Variants in NRXN3 observed in about 807,000 individuals in gnomAD.
NRXN3 encodes neurexin III.
In NRXN3, 32 loss-of-function variants were observed where a neutral mutation model predicts 137.6. That is an observed-to-expected ratio of 0.23 (90% CI 0.18 to 0.31). NRXN3 has a LOEUF of 0.31. Ranked by LOEUF, NRXN3 falls within the 10% of genes least tolerant of loss-of-function variation. The pLI is 1.00. For missense variants in NRXN3, 1,574 were observed against 2,062.5 expected, an observed-to-expected ratio of 0.76 and a Z score of 4.59; for synonymous variants, 798 against 784.5, an observed-to-expected ratio of 1.02 and a Z score of -0.29.
intron 15 of NRXN3, among the ~76,000 whole-genome samples, chr14:79,334,512 G>T (rs1477163899): frequency 6.6e-6 from 1 of 152,206 alleles, no homozygotes; most frequent in Non-Finnish European, 1.5e-5. Context: ...GAGCCCGCAG[G>T]GCAGGACAGG....
intron 4 of NRXN3, among the ~76,000 whole-genome samples, chr14:78,560,307 A>T (rs1226060487): frequency 6.6e-6 from 1 of 152,178 alleles, no homozygotes; most frequent in African/African-American, 2.4e-5. Context: ...AAATCATGCC[A>T]TGCTATTGAC....
At chr14:79,178,118 C>T (rs953964302) in intron 15 of NRXN3, among the ~76,000 whole-genome samples, 15 of 152,184 alleles carry the variant, frequency 9.9e-5, no homozygotes, top group African/African-American at 3.4e-4. Context: ...GGAGCTAGCC[C>T]AGATGGCTGG....
chr14:79,202,020 A>G (rs904345290), intron 15 of NRXN3, among the ~76,000 whole-genome samples: 1 of 152,086 alleles, frequency 6.6e-6, no homozygotes, highest in Non-Finnish European at 1.5e-5. Flanking sequence ...TTACTGCACC[A>G]GAGAGGTCCT....
At chr14:78,339,965 G>A (rs1007176345) in intron 4 of NRXN3, among the ~76,000 whole-genome samples, 4 of 152,198 alleles carry the variant, frequency 2.6e-5, no homozygotes, top group South Asian at 2.1e-4. Flanking sequence ...CAGAATCTTC[G>A]GTAACTGGAA....
Position 78,660,780 on chromosome 14 carries a change from G to A in NRXN3, c.1221+9454G>A, listed in dbSNP as rs147712244. Among the ~76,000 whole-genome samples, 480 of 152,264 alleles carry A rather than the reference G, an allele frequency of 3.2e-3. 2 individuals are homozygous for A. The highest frequency in any genetic ancestry group is 4.6e-3 in the Non-Finnish European group (314 of 68,034). On this transcript the variant is annotated intron_variant, in intron 6 of 20. Coordinates refer to ENST00000335750, the MANE Select transcript of NRXN3 (RefSeq NM_001330195.2). ...TGTACCTCTGTTGCCTAAACCTGTT[G>A]TGGCTCTATTTTCTATCATTTGCAG...
At chr14:79,837,299 TAAA>T (rs11343822) in intron 20 of NRXN3, among the ~76,000 whole-genome samples, 9 of 151,074 alleles carry the variant, frequency 6.0e-5, no homozygotes, top group African/African-American at 9.7e-5. Context: ...CATTTTTTTT[TAAA>T]AAAACCGTCT....
chr14:78,310,224 T>C (rs937929337), intron 4 of NRXN3, among the ~76,000 whole-genome samples: 1 of 151,028 alleles, frequency 6.6e-6, no homozygotes, highest in Non-Finnish European at 1.5e-5. Context: ...ACTGTATATC[T>C]AAGGTCATTC....
intron 3 of NRXN3, among the ~76,000 whole-genome samples, chr14:78,289,191 T>A (rs768498098): frequency 3.3e-5 from 5 of 152,246 alleles, no homozygotes; most frequent in Non-Finnish European, 5.9e-5. Flanking sequence ...CAAAATCCTG[T>A]ATGTAAATCC....
intron 4 of NRXN3, among the ~76,000 whole-genome samples, chr14:78,555,020 C>T (rs1454107674): frequency 2.6e-5 from 4 of 152,082 alleles, no homozygotes. Flanking sequence ...CACTCCTCTG[C>T]TCTGCCATTC....
At chr14:79,259,448 T>G (rs2077232004) in intron 15 of NRXN3, among the ~76,000 whole-genome samples, 1 of 151,924 alleles carries the variant, frequency 6.6e-6, no homozygotes, top group Admixed American at 6.6e-5. Flanking sequence ...AGTGTTTTTC[T>G]AAAACCCTTA....
chr14:79,642,078 A>G (rs1603308368), intron 16 of NRXN3, among the ~76,000 whole-genome samples: 1 of 135,612 alleles, frequency 7.4e-6, no homozygotes, highest in East Asian at 2.0e-4. Context: ...TTTTCATCAC[A>G]CAATATTGTG....
At chr14:78,295,159 A>G (rs2076192577) in intron 3 of NRXN3, among the ~76,000 whole-genome samples, 1 of 152,214 alleles carries the variant, frequency 6.6e-6, no homozygotes, top group African/African-American at 2.4e-5. Context: ...AAGCCCTTGA[A>G]AGTGGAAGAT....
At chr14:79,386,493 G>A (rs1193004186) in intron 15 of NRXN3, among the ~76,000 whole-genome samples, 1 of 152,054 alleles carries the variant, frequency 6.6e-6, no homozygotes, top group East Asian at 1.9e-4. Context: ...TCATGGGTAG[G>A]AAGAATCAAT....
chr14:78,850,507 C>T (rs1039759969), intron 10 of NRXN3, among the ~76,000 whole-genome samples: 2 of 152,110 alleles, frequency 1.3e-5, no homozygotes, highest in African/African-American at 2.4e-5. Flanking sequence ...GGTATCTACA[C>T]GTATTCACTT....
intron 4 of NRXN3, among the ~76,000 whole-genome samples, chr14:78,548,611 C>A (rs11844960): frequency 0.36 from 54,820 of 152,096 alleles, 10,291 homozygotes; most frequent in Admixed American, 0.41. Flanking sequence ...TTCCCAAACC[C>A]TTTTCCGTTG....
intron 16 of NRXN3, among the ~76,000 whole-genome samples, chr14:79,527,428 C>T (rs187872347): frequency 6.6e-6 from 1 of 151,534 alleles, no homozygotes; most frequent in East Asian, 1.9e-4. Flanking sequence ...AAAGTGGTCT[C>T]TTAAGCAGAA....
rs778851378 is a variant in NRXN3 at position 78,988,010 on chromosome 14, G to A, written c.3143-12G>A. ...CTTTTTCTTTTTTTCCCCTCTTCTT[G>A]TGCATTACTAGGACCCAGTACCACC... On this transcript the variant is annotated splice_polypyrimidine_tract_variant and intron_variant, in intron 14 of 20. Coordinates refer to ENST00000335750, the MANE Select transcript of NRXN3 (RefSeq NM_001330195.2). 6.2e-7 allele frequency: 1 copy of A among 1,602,790 alleles called. No homozygotes were observed. The highest frequency in any genetic ancestry group is 8.5e-7 in the Non-Finnish European group (1 of 1,175,132).
intron 16 of NRXN3, among the ~76,000 whole-genome samples, chr14:79,604,589 C>T (rs1273557535): frequency 2.0e-5 from 3 of 151,530 alleles, no homozygotes; most frequent in African/African-American, 7.3e-5. Flanking sequence ...TTAATTCACA[C>T]ACAACCTCCC....
At chr14:79,481,474 A>G (rs2096607691) in intron 16 of NRXN3, among the ~76,000 whole-genome samples, 2 of 152,220 alleles carry the variant, frequency 1.3e-5, no homozygotes, top group Admixed American at 6.5e-5. Flanking sequence ...GGTATAGCCT[A>G]TTGCATCCAG....
Sources: gnomAD v4.1 joint callset for allele counts (sites outside exome capture counted in the v4.1 genomes callset) on GRCh38, gnomAD v4.1.1 for gene constraint, MANE v1.5 for transcripts, NCBI Gene and HGNC (gene_info 2026-07-23, HGNC 2026-07-21) for gene names.